Variants in CUX1 observed in about 807,000 individuals in gnomAD.
The protein encoded by CUX1 is protein CASP.
Under a neutral mutation model 158.8 loss-of-function variants are expected in CUX1, and 31 were observed. The ratio of observed to expected loss-of-function variants is 0.20; its 90% confidence interval spans 0.15 to 0.26. The LOEUF is 0.26. CUX1 is among the 10% of genes least tolerant of loss of function. CUX1 has a pLI of 1.00. For missense variants in CUX1, 1,589 were observed against 2,014.6 expected (o/e 0.79, Z 4.04); for synonymous variants, 879 against 862.1 (o/e 1.02, Z -0.34).
chr7:101,902,461 A>C (rs911336160), intron 1 of CUX1, among the ~76,000 whole-genome samples: 1 of 152,210 alleles, frequency 6.6e-6, no homozygotes, highest in Non-Finnish European at 1.5e-5. Context: ...GAAGTATGGC[A>C]GCTGGAATGG....
intron 20 of CUX1, among the ~76,000 whole-genome samples, chr7:102,219,005 A>G (rs1797524976): frequency 6.7e-6 from 1 of 149,344 alleles, no homozygotes; most frequent in Non-Finnish European, 1.5e-5. Flanking sequence ...GTGAGCCAAG[A>G]TTGCACCATT....
At chr7:102,148,710 TAA>T (rs1835286186) in intron 8 of CUX1, among the ~76,000 whole-genome samples, 1 of 148,220 alleles carries the variant, frequency 6.7e-6, no homozygotes, top group African/African-American at 2.5e-5. Context: ...TATAATATAT[TAA>T]TATATATATA....
At chr7:102,199,483 G>A (rs1222972430) in intron 16 of CUX1, among the ~76,000 whole-genome samples, 4 of 152,336 alleles carry the variant, frequency 2.6e-5, no homozygotes, top group African/African-American at 9.6e-5. Context: ...CCATGTGGCC[G>A]AAAGAATCCA....
intron 2 of CUX1, among the ~76,000 whole-genome samples, chr7:101,928,657 C>T (rs1805911086): frequency 6.7e-6 from 1 of 149,418 alleles, no homozygotes; most frequent in African/African-American, 2.5e-5. Flanking sequence ...AGCCACCACA[C>T]CCGGCCTCAC....
intron 6 of CUX1, among the ~76,000 whole-genome samples, chr7:102,108,744 G>T (rs978519604): frequency 6.6e-6 from 1 of 151,202 alleles, no homozygotes; most frequent in Admixed American, 6.6e-5. Context: ...TTTTGTGTGT[G>T]TGTGTGTGTG....
At chr7:102,101,784 C>T (rs562614049) in intron 5 of CUX1, among the ~76,000 whole-genome samples, 10 of 152,130 alleles carry the variant, frequency 6.6e-5, no homozygotes, top group Admixed American at 5.2e-4. Flanking sequence ...TGATGGCACA[C>T]GCCTGTAATC....
At chr7:102,113,854 T>C (rs546390731) in intron 7 of CUX1, among the ~76,000 whole-genome samples, 1 of 152,258 alleles carries the variant, frequency 6.6e-6, no homozygotes, top group South Asian at 2.1e-4. Context: ...AGGTGTGGGC[T>C]ACCGCACCTG....
At chr7:102,094,428 C>A (rs2130878921) in intron 4 of CUX1, among the ~76,000 whole-genome samples, 1 of 152,316 alleles carries the variant, frequency 6.6e-6, no homozygotes, top group Middle Eastern at 3.4e-3. Flanking sequence ...TTTTCATTTA[C>A]AGTATAAGGC....
intron 2 of CUX1, among the ~76,000 whole-genome samples, chr7:101,918,520 G>A (rs1309595514): frequency 6.6e-6 from 1 of 152,222 alleles, no homozygotes; most frequent in African/African-American, 2.4e-5. Flanking sequence ...CCCTGACCCC[G>A]CCACTGCCAG....
chr7:101,843,873 TTG>T (rs1407218233), intron 1 of CUX1, among the ~76,000 whole-genome samples: 1 of 152,226 alleles, frequency 6.6e-6, no homozygotes, highest in Non-Finnish European at 1.5e-5. Flanking sequence ...TGTGAACCTT[TTG>T]AAAGAGCCAA....
In CUX1 at chr7:101,889,258, C is replaced by CAA. The variant is rs55853593; in HGVS notation, c.31-26839_31-26838dup. 1.9e-3 allele frequency among the ~76,000 whole-genome samples: 210 copies of CAA among 112,690 alleles called. 3 individuals are homozygous for CAA. Among genetic ancestry groups the CAA allele is most frequent in the East Asian group, 8.3e-3 (32 of 3,860 alleles). The allele number at this position is 112,690 out of a possible 152,430, so 73.9% of individuals were successfully genotyped here. The stretch of plus-strand genomic sequence containing the variant: ...TGGGCAATGGAGCAAGACCCTGTCT[C>CAA]AAAAAAAAAAAAAAAAAAAGTGCTG... On this transcript the variant is annotated intron_variant, in intron 1 of 23. Coordinates refer to ENST00000292535, the MANE Select transcript of CUX1 (RefSeq NM_181552.4).
In CUX1 at chr7:101,948,506, T is replaced by C. The variant is rs569786784; in HGVS notation, c.141+32281T>C. On this transcript the variant is annotated intron_variant, in intron 2 of 23. Coordinates refer to ENST00000292535, the MANE Select transcript of CUX1 (RefSeq NM_181552.4). ...CTTGGAACGTTGCCTGCTTTGTAGA[T>C]TTCCAGTGTTCAAGTTGTCTGATTT... Among the ~76,000 whole-genome samples the C allele has an allele frequency of 3.9e-5, 6 of 152,300 alleles. No homozygotes were observed. In the South Asian group the frequency reaches 1.0e-3, roughly 26 times the overall value.
At chr7:101,971,680 A>G (rs1227260180) in intron 2 of CUX1, among the ~76,000 whole-genome samples, 1 of 152,224 alleles carries the variant, frequency 6.6e-6, no homozygotes, top group Non-Finnish European at 1.5e-5. Context: ...CTCAAAACAA[A>G]GCATGTGTTG....
intron 1 of CUX1, among the ~76,000 whole-genome samples, chr7:101,839,058 G>A (rs1447880558): frequency 6.6e-6 from 1 of 152,200 alleles, no homozygotes; most frequent in African/African-American, 2.4e-5. Context: ...AGGCAAGCCA[G>A]CTCTCTGGTA....
At chr7:101,991,067 T>C (rs1815049170) in intron 2 of CUX1, among the ~76,000 whole-genome samples, 1 of 152,312 alleles carries the variant, frequency 6.6e-6, no homozygotes, top group East Asian at 1.9e-4. Context: ...TCAGGTCAGC[T>C]AGGTGCTGCT....
chr7:102,171,385 T>C (rs1245415344), intron 10 of CUX1, among the ~76,000 whole-genome samples: 1 of 152,004 alleles, frequency 6.6e-6, no homozygotes, highest in Non-Finnish European at 1.5e-5. Context: ...AAGTAAACCT[T>C]AGCAGTAATT....
chr7:102,088,113 T>C (rs782701795), intron 4 of CUX1, among the ~76,000 whole-genome samples: 1 of 151,930 alleles, frequency 6.6e-6, no homozygotes, highest in Non-Finnish European at 1.5e-5. Flanking sequence ...TTCTGCTGAC[T>C]CAGCCTCCCC....
At chr7:101,882,865 C>G (rs1584871448) in intron 1 of CUX1, among the ~76,000 whole-genome samples, 2 of 152,150 alleles carry the variant, frequency 1.3e-5, no homozygotes, top group Non-Finnish European at 2.9e-5. Flanking sequence ...GACCTTGTTT[C>G]CTTGTTCCCT....
intron 1 of CUX1, among the ~76,000 whole-genome samples, chr7:101,847,885 T>C (rs923268425): frequency 6.6e-6 from 1 of 151,248 alleles, no homozygotes; most frequent in Non-Finnish European, 1.5e-5. Flanking sequence ...CTGGCCAACG[T>C]GGTGAAACCC....
Sources: gnomAD v4.1 joint callset for allele counts (sites outside exome capture counted in the v4.1 genomes callset) on GRCh38, gnomAD v4.1.1 for gene constraint, MANE v1.5 for transcripts, NCBI Gene and HGNC (gene_info 2026-07-23, HGNC 2026-07-21) for gene names.